Variants in SATB1 observed in about 807,000 individuals in gnomAD.
The protein encoded by SATB1 is DNA-binding protein SATB1.
In SATB1, 11 loss-of-function variants were observed where a neutral mutation model predicts 86.9. The ratio of observed to expected loss-of-function variants is 0.13; its 90% CI spans 0.08 to 0.21. SATB1 has a LOEUF of 0.21. Among genes scored for constraint, SATB1 ranks in the 10% least tolerant of loss-of-function variants. The pLI is 1.00. For missense variants in SATB1, 551 were observed against 937.6 expected (o/e 0.59, Z 5.39); for synonymous variants, 357 against 357.2 (o/e 1.00, Z 0.01).
At chr3:18,405,434 C>T (rs1697477085) in intron 5 of SATB1, among the ~76,000 whole-genome samples, 2 of 151,834 alleles carry the variant, frequency 1.3e-5, no homozygotes, top group Admixed American at 6.6e-5. Flanking sequence ...ACCAAAAAAC[C>T]CTTAAACCAC....
At position 18,349,935 on chromosome 3, in the gene SATB1, G is replaced by A. The variant is rs935009681; in HGVS notation, c.1780-253C>T. On this transcript the variant is annotated intron_variant, in intron 10 of 10. Transcript: ENST00000338745. This position sits in a 1 kb window ranked among gnomAD's most constrained non-coding sequence, Gnocchi z 5.5. ...CACTTACTTATCAGAGATCAGCAGA[G>A]GAAGTGAAAACTCAGTGCTCTGAAA... 1.9e-6 allele frequency: 1 copy of A among 535,932 alleles called. No homozygotes were observed. Among genetic ancestry groups the A allele is most frequent in the Non-Finnish European group, 3.1e-6 (1 of 326,728 alleles). 33.2% of individuals were successfully genotyped at this position (535,932 alleles called of 1,614,324 possible).
At chr3:18,410,584 G>C (rs1372151351) in intron 5 of SATB1, among the ~76,000 whole-genome samples, 2 of 152,120 alleles carry the variant, frequency 1.3e-5, no homozygotes, top group Non-Finnish European at 1.5e-5. Flanking sequence ...CAACTAATAA[G>C]ATGTTATATC....
chr3:18,438,725 G>C (rs1699152599), upstream of SATB1: 1 of 152,284 alleles, frequency 6.6e-6, no homozygotes, highest in Admixed American at 6.5e-5. Flanking sequence ...GAAGCAGCTG[G>C]ACCATTACTG....
chr3:18,365,145 A>G (rs78033361), intron 9 of SATB1, among the ~76,000 whole-genome samples: 4,850 of 152,298 alleles, frequency 0.032, 251 homozygotes, highest in African/African-American at 0.11. Context: ...TTGGTTTACA[A>G]TTGCACTAGC....
intron 5 of SATB1, among the ~76,000 whole-genome samples, chr3:18,412,826 A>T (rs1420022930): frequency 2.0e-5 from 3 of 152,074 alleles, no homozygotes; most frequent in Non-Finnish European, 2.9e-5. Flanking sequence ...AAGCAAACAG[A>T]AAACAGTTTA....
At chr3:18,396,724 A>C (rs563123343) in intron 6 of SATB1, among the ~76,000 whole-genome samples, 11 of 152,294 alleles carry the variant, frequency 7.2e-5, no homozygotes, top group Non-Finnish European at 1.3e-4. Context: ...AGCTATAAAA[A>C]TCACTTGATC....
chr3:18,395,493 T>A (rs1478861605), intron 6 of SATB1, among the ~76,000 whole-genome samples: 1 of 152,236 alleles, frequency 6.6e-6, no homozygotes, highest in Non-Finnish European at 1.5e-5. Context: ...AAAATGGGCA[T>A]AATAATAAGT....
intron 9 of SATB1, among the ~76,000 whole-genome samples, chr3:18,368,299 A>G (rs1695290332): frequency 6.6e-6 from 1 of 152,242 alleles, no homozygotes; most frequent in Non-Finnish European, 1.5e-5. Flanking sequence ...AGATGGGAGA[A>G]ACAAATGACC....
chr3:18,444,704 C>G lies in SATB1; in HGVS notation c.-25+814G>C, dbSNP rs1699334570. The G allele has an allele frequency of 1.0e-6, 1 of 972,906 alleles. No homozygotes were observed. The highest frequency in any genetic ancestry group is 1.2e-6 in the Non-Finnish European group (1 of 819,472). 60.3% of individuals were successfully genotyped at this position (972,906 alleles called of 1,614,324 possible). On this transcript the variant is annotated intron_variant, in intron 1 of 3. Coordinates refer to the SATB1 transcript ENST00000415069. This position sits in a 1 kb window ranked among gnomAD's most constrained non-coding sequence, Gnocchi z 5.1. ...GCGCGCCGGCGTCGGACTTCCGAGG[C>G]GGCGGCTTCTGCCTCTCCTGCCGCC...
At chr3:18,417,455 C>G (rs1236177307) in intron 2 of SATB1, 17 of 585,874 alleles carry the variant, frequency 2.9e-5, no homozygotes, top group Non-Finnish European at 4.8e-5. Flanking sequence ...AAACATAACT[C>G]ACCATTTATC....
chr3:18,392,972 C>CAAA lies in SATB1; in HGVS notation c.1206+1487_1206+1489dup, dbSNP rs35399493. 3.2e-3 allele frequency among the ~76,000 whole-genome samples: 365 copies of CAAA among 114,804 alleles called. 12 individuals are homozygous for CAAA. In the South Asian group the frequency reaches 0.049, roughly 15 times the overall value. The allele number at this position is 114,804 out of a possible 152,430, so 75.3% of individuals were successfully genotyped here. ...GCCTTTTCAAAAACAGACGAACGTA[C>CAAA]AAAAAAAAAAAAAAAGATGAATCGA... On this transcript the variant is annotated intron_variant, in intron 7 of 10. Transcript: ENST00000338745.
intron 9 of SATB1, among the ~76,000 whole-genome samples, chr3:18,358,981 T>C (rs1385755261): frequency 6.6e-6 from 1 of 151,856 alleles, no homozygotes; most frequent in Admixed American, 6.6e-5. Flanking sequence ...TCTACCAGAG[T>C]TTCTAAAGGT....
At position 18,349,179 on chromosome 3, in the gene SATB1, C is replaced by G; in HGVS notation, c.2283G>C (p.Leu761Phe). The G allele has an allele frequency of 1.2e-6, 2 of 1,613,098 alleles. No homozygotes were observed. The highest frequency in any genetic ancestry group is 1.7e-6 in the Non-Finnish European group (2 of 1,179,500). The change falls in exon 11 of 11, where the codon TTG becomes TTC. Residue 761 changes from leucine (L) to phenylalanine (F), a missense_variant. By Grantham distance (22) the Leu-to-Phe change is conservative. This residue lies in a region of SATB1 where 41 missense variants were observed against 38.9 expected (regional missense o/e 1.06). Coordinates refer to ENST00000338745, the MANE Select transcript of SATB1 (RefSeq NM_002971.6). This position sits in a 1 kb window ranked among gnomAD's most constrained non-coding sequence, Gnocchi z 5.5. ...VEGNTDINTD[L>F]KD ...AACAAATACTTTTATCTCAGTCTTTCAAATCAGTATTAATGTCTGTGTTTC... is the reference window on the plus strand; with the variant it reads ...AACAAATACTTTTATCTCAGTCTTTGAAATCAGTATTAATGTCTGTGTTTC...
At chr3:18,414,845 C>G in intron 5 of SATB1, 1 of 332,298 alleles carries the variant, frequency 3.0e-6, no homozygotes, top group Non-Finnish European at 5.5e-6. Flanking sequence ...GAAGACAAAT[C>G]TAAAAATTAG....
At chr3:18,407,847 T>C (rs1393491267) in intron 5 of SATB1, among the ~76,000 whole-genome samples, 1 of 152,160 alleles carries the variant, frequency 6.6e-6, no homozygotes. Context: ...TATGTTATCA[T>C]AAGACAGGAG....
At chr3:18,434,508 A>C (rs1167618543) in intron 2 of SATB1, among the ~76,000 whole-genome samples, 3 of 152,068 alleles carry the variant, frequency 2.0e-5, no homozygotes, top group African/African-American at 4.8e-5. Flanking sequence ...TTCATCAGAA[A>C]GCCTTTAAAA....
intron 1 of SATB1, among the ~76,000 whole-genome samples, chr3:18,422,158 G>A (rs573373540): frequency 6.6e-6 from 1 of 152,242 alleles, no homozygotes; most frequent in Admixed American, 6.5e-5. Flanking sequence ...ATCATATTTA[G>A]GAAAACCAGA....
chr3:18,365,777 G>A (rs992369604), intron 9 of SATB1, among the ~76,000 whole-genome samples: 2 of 152,106 alleles, frequency 1.3e-5, no homozygotes, highest in East Asian at 1.9e-4. Flanking sequence ...TAAGGCTTTC[G>A]TCCTTATGGT....
chr3:18,434,670 TTAAGCAGGATCAGGTTCCG>T (rs1322440137), intron 2 of SATB1, among the ~76,000 whole-genome samples: 102 of 152,166 alleles, frequency 6.7e-4, no homozygotes, highest in African/African-American at 2.2e-3. Context: ...CCTTCATTAG[TTAAGCAGGATCAGGTTCCG>T]TATCTATAAA....
Sources: allele counts gnomAD v4.1 joint callset (sites outside exome capture counted in the v4.1 genomes callset), GRCh38; gene constraint gnomAD v4.1.1; regional missense constraint gnomAD v4.1.1; non-coding constraint Gnocchi (gnomAD v3.1); transcripts MANE v1.5; gene names NCBI Gene and HGNC (gene_info 2026-07-23, HGNC 2026-07-21).